Variants in CNTN5 observed in about 807,000 individuals in gnomAD.
CNTN5 encodes contactin-5.
Under a neutral mutation model 129.1 loss-of-function variants are expected in CNTN5, and 77 were observed. The observed-to-expected ratio is 0.60, with a 90% CI of 0.50 to 0.72. The LOEUF is 0.72. Among genes scored for constraint, CNTN5 ranks in the 30% least tolerant of loss-of-function variants. The pLI, the probability that CNTN5 is intolerant of heterozygous loss-of-function variation, is 0.00. For synonymous variants in CNTN5, 509 were observed against 465.6 expected (o/e 1.09, Z -1.20); for missense variants, 1,478 against 1,328.8 (o/e 1.11, Z -1.75).
chr11:99,768,327 A>G (rs1944826126), intron 3 of CNTN5, among the ~76,000 whole-genome samples: 2 of 152,080 alleles, frequency 1.3e-5, no homozygotes, highest in African/African-American at 4.8e-5. Context: ...TGATATTATA[A>G]TACTTCAGCA....
chr11:99,915,094 A>C (rs552488912), intron 6 of CNTN5, among the ~76,000 whole-genome samples: 2 of 152,184 alleles, frequency 1.3e-5, no homozygotes, highest in African/African-American at 4.8e-5. Context: ...GAACATTTCT[A>C]AGAAGCATTT....
chr11:99,750,181 A>T (rs118012904), intron 3 of CNTN5, among the ~76,000 whole-genome samples: 1 of 152,182 alleles, frequency 6.6e-6, no homozygotes, highest in Non-Finnish European at 1.5e-5. Context: ...TCTCCATATT[A>T]TGTGTAAATC....
intron 2 of CNTN5, among the ~76,000 whole-genome samples, chr11:99,437,609 C>T (rs1447532150): frequency 6.6e-6 from 1 of 152,058 alleles, no homozygotes; most frequent in Non-Finnish European, 1.5e-5. Context: ...GGGTGGATCA[C>T]CTGAGGTCAG....
chr11:99,878,699 T>A (rs945812192), intron 6 of CNTN5, among the ~76,000 whole-genome samples: 4 of 151,712 alleles, frequency 2.6e-5, no homozygotes, highest in Non-Finnish European at 5.9e-5. Flanking sequence ...CTACTAGAAA[T>A]CCAAAAATTA....
intron 2 of CNTN5, among the ~76,000 whole-genome samples, chr11:99,412,659 G>A (rs1942451679): frequency 6.6e-6 from 1 of 152,180 alleles, no homozygotes; most frequent in South Asian, 2.1e-4. Context: ...GAAGGAAACA[G>A]CCTTGAAGAA....
chr11:99,093,853 T>G (rs1866357679), intron 1 of CNTN5, among the ~76,000 whole-genome samples: 1 of 152,044 alleles, frequency 6.6e-6, no homozygotes, highest in Admixed American at 6.6e-5. Flanking sequence ...TCAGAGAATT[T>G]AATAACTTGT....
chr11:100,258,418 A>G (rs769188611), intron 17 of CNTN5, among the ~76,000 whole-genome samples: 11 of 152,202 alleles, frequency 7.2e-5, no homozygotes, highest in Non-Finnish European at 1.6e-4. Flanking sequence ...CCAACATTCA[A>G]ATTCAGGAAA....
At chr11:99,221,198 C>A (rs904773002) in intron 1 of CNTN5, among the ~76,000 whole-genome samples, 10 of 151,840 alleles carry the variant, frequency 6.6e-5, no homozygotes, top group African/African-American at 2.2e-4. Flanking sequence ...AATTTTTATT[C>A]ATTTATGAAT....
intron 18 of CNTN5, among the ~76,000 whole-genome samples, chr11:100,284,606 C>T (rs1260526010): frequency 6.6e-6 from 1 of 152,042 alleles, no homozygotes; most frequent in Non-Finnish European, 1.5e-5. Flanking sequence ...ACAGCATTGT[C>T]AATTTTGTCA....
intron 2 of CNTN5, among the ~76,000 whole-genome samples, chr11:99,349,548 C>A (rs1938145489): frequency 1.3e-5 from 2 of 152,042 alleles, no homozygotes; most frequent in South Asian, 2.1e-4. Context: ...TTTTTATGAT[C>A]TTTTAACCTT....
chr11:99,157,077 AGTG>A (rs560079546), intron 1 of CNTN5, among the ~76,000 whole-genome samples: 2 of 152,024 alleles, frequency 1.3e-5, no homozygotes, highest in Non-Finnish European at 2.9e-5. Flanking sequence ...ATATTTATAA[AGTG>A]GTAAGTTTTG....
chr11:99,322,022 G>T (rs909191212), intron 1 of CNTN5, among the ~76,000 whole-genome samples: 1 of 152,110 alleles, frequency 6.6e-6, no homozygotes, highest in Non-Finnish European at 1.5e-5. Context: ...AAATTGTAGA[G>T]TGTCCATAAA....
intron 1 of CNTN5, among the ~76,000 whole-genome samples, chr11:99,204,839 A>G (rs7935194): frequency 0.52 from 78,362 of 151,970 alleles, 20,454 homozygotes; most frequent in African/African-American, 0.61. Flanking sequence ...GCTTCTAAAT[A>G]TTAAGCCTAC....
chr11:99,169,467 C>T (rs1008945894), intron 1 of CNTN5, among the ~76,000 whole-genome samples: 2 of 151,760 alleles, frequency 1.3e-5, no homozygotes, highest in Non-Finnish European at 2.9e-5. Context: ...TGTGAGATAA[C>T]ACTTTAAGAA....
At chr11:99,737,033 C>T (rs1380937648) in intron 3 of CNTN5, among the ~76,000 whole-genome samples, 1 of 152,046 alleles carries the variant, frequency 6.6e-6, no homozygotes, top group East Asian at 1.9e-4. Flanking sequence ...ACTAATAATG[C>T]CTTCTGTCGT....
chr11:100,173,611 G>A (rs1056340731), intron 13 of CNTN5, among the ~76,000 whole-genome samples: 5 of 152,122 alleles, frequency 3.3e-5, no homozygotes, highest in African/African-American at 1.2e-4. Context: ...TAGGCTCCAT[G>A]AGCAAAATGG....
chr11:99,365,162 G>C (rs1251256654), intron 2 of CNTN5, among the ~76,000 whole-genome samples: 1 of 152,084 alleles, frequency 6.6e-6, no homozygotes, highest in African/African-American at 2.4e-5. Flanking sequence ...TTAGTGCTTT[G>C]ATACTGTACA....
chr11:99,455,811 A>T (rs561819254), intron 2 of CNTN5, among the ~76,000 whole-genome samples: 30 of 152,310 alleles, frequency 2.0e-4, no homozygotes, highest in African/African-American at 7.0e-4. Flanking sequence ...TATTATTCCA[A>T]GCCATTAGAG....
chr11:99,131,183 G>T (rs1289284159), intron 1 of CNTN5, among the ~76,000 whole-genome samples: 1 of 139,520 alleles, frequency 7.2e-6, no homozygotes, highest in Admixed American at 7.5e-5. Flanking sequence ...GGGAGGCGGA[G>T]CTTGCAGTGA....
Sources: gnomAD v4.1 joint callset for allele counts (sites outside exome capture counted in the v4.1 genomes callset) on GRCh38, gnomAD v4.1.1 for gene constraint, MANE v1.5 for transcripts, NCBI Gene and HGNC (gene_info 2026-07-23, HGNC 2026-07-21) for gene names.